The following POU6F2 variants were observed in gnomAD, a reference collection of about 807,000 sequenced individuals.
The protein encoded by POU6F2 is POU class 6 homeobox 2.
In POU6F2, 31 loss-of-function variants were observed where a neutral mutation model predicts 71.3. The ratio of observed to expected loss-of-function variants is 0.43; its 90% CI spans 0.33 to 0.59. POU6F2 has a LOEUF of 0.59. POU6F2 is among the 20% of genes least tolerant of loss of function. The probability of loss-of-function intolerance (pLI) is 0.04; values close to 1 mark genes in which losing one functional copy is unlikely to be tolerated. For missense variants in POU6F2, 783 were observed against 856.8 expected, an observed-to-expected ratio of 0.91 and a Z score of 1.07; for synonymous variants, 347 against 355.7, an observed-to-expected ratio of 0.98 and a Z score of 0.27.
At chr7:39,267,103 G>A (rs1784260436) in intron 4 of POU6F2, among the ~76,000 whole-genome samples, 1 of 152,154 alleles carries the variant, frequency 6.6e-6, no homozygotes, top group South Asian at 2.1e-4. Flanking sequence ...TGGTGTGCTT[G>A]TTTGAATAAC....
At chr7:39,440,260 G>A (rs35650049) in intron 7 of POU6F2, among the ~76,000 whole-genome samples, 51,171 of 151,918 alleles carry the variant, frequency 0.34, 9,606 homozygotes, top group East Asian at 0.58. Context: ...TCTCCTGGAT[G>A]ATATCCTGAA....
At chr7:39,299,539 C>T (rs976265255) in intron 4 of POU6F2, among the ~76,000 whole-genome samples, 1 of 152,166 alleles carries the variant, frequency 6.6e-6, no homozygotes, top group Non-Finnish European at 1.5e-5. Flanking sequence ...AAAAATCCTC[C>T]CTGCCCAGCA....
intron 2 of POU6F2, among the ~76,000 whole-genome samples, chr7:39,087,650 C>G (rs1246907163): frequency 1.3e-5 from 2 of 152,062 alleles, no homozygotes; most frequent in Non-Finnish European, 2.9e-5. Context: ...GTTGAGTATG[C>G]TAAGTAAGCA....
chr7:39,150,028 G>A (rs1002331458), intron 2 of POU6F2, among the ~76,000 whole-genome samples: 1 of 152,078 alleles, frequency 6.6e-6, no homozygotes, highest in Non-Finnish European at 1.5e-5. Flanking sequence ...TGGGACTACA[G>A]GGGCCCGCAA....
chr7:39,291,232 G>T (rs1784750328), intron 4 of POU6F2, among the ~76,000 whole-genome samples: 1 of 152,058 alleles, frequency 6.6e-6, no homozygotes, highest in Non-Finnish European at 1.5e-5. Flanking sequence ...AATTAAACAT[G>T]AGCTAATTAA....
At chr7:39,350,359 C>G (rs1020144715) in intron 5 of POU6F2, among the ~76,000 whole-genome samples, 1 of 152,036 alleles carries the variant, frequency 6.6e-6, no homozygotes, top group Non-Finnish European at 1.5e-5. Context: ...TAAGAGAAAC[C>G]CTCTCACTTC....
chr7:39,022,159 A>G (rs1423370958), intron 1 of POU6F2, among the ~76,000 whole-genome samples: 2 of 151,866 alleles, frequency 1.3e-5, no homozygotes, highest in African/African-American at 4.8e-5. Flanking sequence ...CTTTTATGAT[A>G]TTCACTATTT....
At chr7:39,296,043 A>G (rs557962200) in intron 4 of POU6F2, among the ~76,000 whole-genome samples, 1 of 152,336 alleles carries the variant, frequency 6.6e-6, no homozygotes, top group South Asian at 2.1e-4. Context: ...TAATAGCTTT[A>G]TGAGAGCAAA....
intron 4 of POU6F2, among the ~76,000 whole-genome samples, chr7:39,304,105 T>C (rs1426510205): frequency 6.6e-6 from 1 of 152,176 alleles, no homozygotes; most frequent in African/African-American, 2.4e-5. Flanking sequence ...AAATTTTCAA[T>C]GATTTTATAT....
intron 2 of POU6F2, among the ~76,000 whole-genome samples, chr7:39,131,518 C>T (rs988913342): frequency 6.6e-6 from 1 of 152,128 alleles, no homozygotes; most frequent in African/African-American, 2.4e-5. Flanking sequence ...CTGACCGAGG[C>T]GGCCACCCTT....
intron 1 of POU6F2, among the ~76,000 whole-genome samples, chr7:39,072,167 T>C (rs1404929722): frequency 6.6e-6 from 1 of 152,126 alleles, no homozygotes; most frequent in Non-Finnish European, 1.5e-5. Context: ...CAGAAAACTT[T>C]TCAGGCAAAG....
intron 5 of POU6F2, among the ~76,000 whole-genome samples, chr7:39,384,928 G>T (rs1459894763): frequency 1.3e-5 from 2 of 152,270 alleles, no homozygotes; most frequent in East Asian, 3.9e-4. Context: ...ATAAGTAGAG[G>T]GATAAATTTT....
At chr7:39,388,764 C>T (rs1441603428) in intron 5 of POU6F2, among the ~76,000 whole-genome samples, 1 of 152,200 alleles carries the variant, frequency 6.6e-6, no homozygotes, top group Non-Finnish European at 1.5e-5. Context: ...TCTATCTATT[C>T]TGGTAAATTA....
At chr7:39,228,299 G>A (rs191652899) in intron 4 of POU6F2, among the ~76,000 whole-genome samples, 96 of 152,248 alleles carry the variant, frequency 6.3e-4, no homozygotes, top group African/African-American at 2.1e-3. Context: ...TTTCCTGAGA[G>A]CTGGCTAGAA....
chr7:39,451,863 C>T (rs975236101), intron 8 of POU6F2, among the ~76,000 whole-genome samples, 162 bp downstream of exon 8: 3 of 152,160 alleles, frequency 2.0e-5, no homozygotes, highest in Non-Finnish European at 2.9e-5. Context: ...AGATGAAGTC[C>T]GTCCCCAGGA....
intron 1 of POU6F2, among the ~76,000 whole-genome samples, chr7:39,071,975 A>G (rs538879054): frequency 4.5e-4 from 68 of 152,310 alleles, no homozygotes; most frequent in South Asian, 3.7e-3. Flanking sequence ...CTAAGGAAAT[A>G]AGTACTCACA....
At chr7:39,369,903 A>C (rs968025686) in intron 5 of POU6F2, among the ~76,000 whole-genome samples, 1 of 149,924 alleles carries the variant, frequency 6.7e-6, no homozygotes, top group African/African-American at 2.5e-5. Flanking sequence ...TATGTTGCCC[A>C]GGCTGGCGTC....
chr7:39,001,185 G>T (rs1205938783), intron 1 of POU6F2, among the ~76,000 whole-genome samples: 1 of 151,666 alleles, frequency 6.6e-6, no homozygotes. Flanking sequence ...TGACTTATGG[G>T]TATAGCAGCA....
intron 2 of POU6F2, among the ~76,000 whole-genome samples, chr7:39,198,025 A>G (rs1793822249): frequency 6.6e-6 from 1 of 152,238 alleles, no homozygotes; most frequent in Non-Finnish European, 1.5e-5. Flanking sequence ...AAAGTATGTC[A>G]TGGAATTTTG....
Sources: allele counts gnomAD v4.1 joint callset (sites outside exome capture counted in the v4.1 genomes callset), GRCh38; gene constraint gnomAD v4.1.1; transcripts MANE v1.5; gene names NCBI Gene and HGNC (gene_info 2026-07-23, HGNC 2026-07-21).